BAIAP2L1: variants seen among roughly 807,000 people sequenced by gnomAD.
BAIAP2L1 encodes the protein BAR/IMD domain containing adaptor protein 2 like 1.
Under a neutral mutation model 66.3 loss-of-function variants are expected in BAIAP2L1, and 35 were observed. The ratio of observed to expected loss-of-function variants is 0.53; its 90% CI spans 0.40 to 0.70. BAIAP2L1 has a LOEUF of 0.70. Ranked by LOEUF, BAIAP2L1 falls within the 30% of genes least tolerant of loss-of-function variation. BAIAP2L1 has a pLI of 0.00. For synonymous variants in BAIAP2L1, 269 were observed against 248.7 expected (o/e 1.08, Z -0.77); for missense variants, 622 against 656.9 (o/e 0.95, Z 0.58).
chr7:98,379,236 G>A (rs1802703708), intron 1 of BAIAP2L1, among the ~76,000 whole-genome samples: 1 of 152,134 alleles, frequency 6.6e-6, no homozygotes, highest in African/African-American at 2.4e-5. Flanking sequence ...AACACTGCCT[G>A]GATCATCTGA....
chr7:98,386,934 C>CAG (rs1173331123), intron 1 of BAIAP2L1, among the ~76,000 whole-genome samples: 1 of 151,696 alleles, frequency 6.6e-6, no homozygotes, highest in Non-Finnish European at 1.5e-5. Flanking sequence ...CTCTTGACTT[C>CAG]GTGATCTGCC....
chr7:98,293,059 A>G lies in BAIAP2L1; in HGVS notation c.*462T>C, dbSNP rs544257048. On this transcript the variant is annotated 3_prime_UTR_variant, in exon 14 of 14. Transcript: ENST00000005260. ...TTCATAATTTATATTGCTTAAAATT[A>G]TGATTTGCATGCTAAGATGCAAACT... is the stretch of plus-strand genomic sequence containing the variant. The G allele has an allele frequency of 3.9e-5, 31 of 794,394 alleles. No individual in the cohort carries two copies. In the South Asian group the frequency reaches 1.4e-3, roughly 35 times the overall value. The allele number at this position is 794,394 out of a possible 1,614,324, so 49.2% of individuals were successfully genotyped here. A position where few individuals can be genotyped will look rare whatever the true frequency, so the allele number is the denominator to read the frequency against.
intron 3 of BAIAP2L1, among the ~76,000 whole-genome samples, chr7:98,332,128 T>C (rs1184339521): frequency 6.6e-6 from 1 of 151,716 alleles, no homozygotes; most frequent in Non-Finnish European, 1.5e-5. Context: ...ACACCTGTAA[T>C]TCCAGCACTT....
At chr7:98,318,604 G>A (rs760126950) in intron 5 of BAIAP2L1, among the ~76,000 whole-genome samples, 7 of 151,328 alleles carry the variant, frequency 4.6e-5, no homozygotes, top group African/African-American at 1.2e-4. Context: ...ACGGACCCGC[G>A]TCAGAATTCA....
chr7:98,373,392 G>T (rs1802555019), intron 1 of BAIAP2L1, among the ~76,000 whole-genome samples: 1 of 152,058 alleles, frequency 6.6e-6, no homozygotes, highest in South Asian at 2.1e-4. Flanking sequence ...GTTACCTATT[G>T]GTCTATATTA....
At chr7:98,386,092 T>C in intron 1 of BAIAP2L1, 2 of 1,582,498 alleles carry the variant, frequency 1.3e-6, no homozygotes, top group East Asian at 2.2e-5. Flanking sequence ...GATCATCTTC[T>C]TCCGGATTTG....
intron 1 of BAIAP2L1, among the ~76,000 whole-genome samples, chr7:98,398,615 G>A (rs1803276516): frequency 6.6e-6 from 1 of 152,116 alleles, no homozygotes; most frequent in Non-Finnish European, 1.5e-5. Flanking sequence ...CATTTACAGT[G>A]CCTTACGTCT....
At chr7:98,332,930 C>T (rs552110861) in intron 3 of BAIAP2L1, among the ~76,000 whole-genome samples, 11 of 151,886 alleles carry the variant, frequency 7.2e-5, no homozygotes, top group East Asian at 5.8e-4. Flanking sequence ...AAGCCCTACG[C>T]GACCCAGCCT....
intron 12 of BAIAP2L1, among the ~76,000 whole-genome samples, chr7:98,300,298 A>C (rs913145006): frequency 6.6e-6 from 1 of 152,180 alleles, no homozygotes; most frequent in Non-Finnish European, 1.5e-5. Flanking sequence ...GAGCAGCACC[A>C]ATGCGTCTGT....
Position 98,313,344 on chromosome 7 carries a change from T to G in BAIAP2L1, c.640-1080A>C, listed in dbSNP as rs532147072. On this transcript the variant is annotated intron_variant, in intron 7 of 13. Coordinates refer to ENST00000005260, the MANE Select transcript of BAIAP2L1 (RefSeq NM_018842.5). ...TCTGCGTCACTCTAGAAAGCATTAC[T>G]GGGACCGATGGTTAAGTCTAAGAAA... Among the ~76,000 whole-genome samples, 81 of 152,210 alleles carry G rather than the reference T, an allele frequency of 5.3e-4. 1 individual carries two copies. The highest frequency in any genetic ancestry group is 3.7e-3 in the Admixed American group (57 of 15,274).
At position 98,307,851 on chromosome 7, in the gene BAIAP2L1, G is replaced by T. The variant is rs745321866; in HGVS notation, c.1001C>A (p.Thr334Lys). The change falls in exon 10 of 14, where the codon ACG (threonine) becomes AAG (lysine). Residue 334 changes from threonine to lysine, a missense_variant. Thr to Lys is a moderately conservative substitution (Grantham distance 78). Coordinates refer to ENST00000005260, the MANE Select transcript of BAIAP2L1 (RefSeq NM_018842.5). ...PSLQRSVSVA[T>K]GLNMMKKQKV... is the part of the protein sequence containing the mutation. Reference sequence around the variant, plus strand: ...CTGCTTCTTCATCATGTTCAGTCCCGTTGCAACCGAAACTGATCGCTGTAA... The same window carrying T: ...CTGCTTCTTCATCATGTTCAGTCCCTTTGCAACCGAAACTGATCGCTGTAA... 3.1e-6 allele frequency: 5 copies of T among 1,614,208 alleles called. No individual in the cohort carries two copies. The highest frequency in any genetic ancestry group is 3.4e-6 in the Non-Finnish European group (4 of 1,180,046).
intron 3 of BAIAP2L1, among the ~76,000 whole-genome samples, chr7:98,340,621 G>GTA (rs1166867009): frequency 2.6e-5 from 4 of 151,970 alleles, no homozygotes; most frequent in African/African-American, 4.8e-5. Flanking sequence ...AGTACATTGA[G>GTA]TATATATATA....
At position 98,371,706 on chromosome 7, in the gene BAIAP2L1, T is replaced by C. The variant is rs542048808; in HGVS notation, c.52-9274A>G. Among the ~76,000 whole-genome samples the C allele has an allele frequency of 5.9e-5, 9 of 152,316 alleles. No individual in the cohort carries two copies. In the South Asian group the frequency reaches 1.9e-3, roughly 32 times the overall value. Reference sequence around the variant, plus strand: ...ACTATACATAAATTAACTGTGTACATTTATAATAAAGTATACATTAATTCA... The same window carrying C: ...ACTATACATAAATTAACTGTGTACACTTATAATAAAGTATACATTAATTCA... On this transcript the variant is annotated intron_variant, in intron 1 of 13. Transcript: ENST00000005260.
In BAIAP2L1 at chr7:98,317,337, T is replaced by C. The variant is rs760758519; in HGVS notation, c.368A>G (p.Gln123Arg). ...CTCTAATTTATTCTTGTGTTCTGTT[T>C]GGTATCTTTTTAGAGTTGCCTGTAA... ...KYMNATLKRY[Q>R]TEHKNKLESL... The change falls in exon 6 of 14, where the codon CAA becomes CGA. Residue 123 changes from glutamine to arginine, a missense_variant. Gln to Arg is a conservative substitution (Grantham distance 43). Coordinates refer to ENST00000005260, the MANE Select transcript of BAIAP2L1 (RefSeq NM_018842.5). 15 of 1,613,992 alleles carry C rather than the reference T, an allele frequency of 9.3e-6. No homozygotes were observed. In the Admixed American group the frequency reaches 1.3e-4, roughly 14 times the overall value.
chr7:98,293,958 G>A, intron 13 of BAIAP2L1, 116 bp downstream of exon 13: 1 of 1,231,354 alleles, frequency 8.1e-7, no homozygotes, highest in Non-Finnish European at 1.2e-6. Context: ...TGGCTCCACA[G>A]GCCGAGGCCT....
At chr7:98,334,712 C>G (rs994316782) in intron 3 of BAIAP2L1, among the ~76,000 whole-genome samples, 2 of 151,682 alleles carry the variant, frequency 1.3e-5, no homozygotes, top group Non-Finnish European at 2.9e-5. Flanking sequence ...CGCCCAGCTA[C>G]TTTTTGTATT....
chr7:98,343,019 A>C lies in BAIAP2L1; in HGVS notation c.214+12023T>G, dbSNP rs150613106. On this transcript the variant is annotated intron_variant, in intron 3 of 13. Coordinates refer to ENST00000005260, the MANE Select transcript of BAIAP2L1 (RefSeq NM_018842.5). ...GATTTAACTTTATCACACGTGATAA[A>C]GTCACATGAGTGACTTTAGGTACAC... is the stretch of plus-strand genomic sequence containing the variant. 3.3e-3 allele frequency among the ~76,000 whole-genome samples: 495 copies of C among 152,016 alleles called. 3 individuals are homozygous for C. Among genetic ancestry groups the C allele is most frequent in the African/African-American group, 0.011 (469 of 41,482 alleles).
At chr7:98,383,463 T>G (rs1196559310) in intron 1 of BAIAP2L1, among the ~76,000 whole-genome samples, 1 of 151,844 alleles carries the variant, frequency 6.6e-6, no homozygotes, top group Non-Finnish European at 1.5e-5. Context: ...ATTTTTGTAT[T>G]TTTAGTAGAG....
At chr7:98,301,820 G>A (rs879774639) in intron 12 of BAIAP2L1, among the ~76,000 whole-genome samples, 2 of 152,162 alleles carry the variant, frequency 1.3e-5, no homozygotes, top group African/African-American at 4.8e-5. Context: ...TGAAGCTCGC[G>A]GGTGTGAGCT....
Sources: gnomAD v4.1 joint callset for allele counts (sites outside exome capture counted in the v4.1 genomes callset) on GRCh38, gnomAD v4.1.1 for gene constraint, MANE v1.5 for transcripts, NCBI Gene and HGNC (gene_info 2026-07-23, HGNC 2026-07-21) for gene names.